TAOK1: variants seen among roughly 807,000 people sequenced by gnomAD.
The protein encoded by TAOK1 is TAO kinase 1.
Under a neutral mutation model 138.3 loss-of-function variants are expected in TAOK1, and 21 were observed. That is an observed-to-expected ratio of 0.15 (90% CI 0.11 to 0.22). TAOK1 has a LOEUF of 0.22. Ranked by LOEUF, TAOK1 falls within the 10% of genes least tolerant of loss-of-function variation. The pLI, the probability that TAOK1 is intolerant of heterozygous loss-of-function variation, is 1.00. For synonymous variants in TAOK1, 361 were observed against 398.4 expected, an observed-to-expected ratio of 0.91 and a Z score of 1.12; for missense variants, 651 against 1,227.7, an observed-to-expected ratio of 0.53 and a Z score of 7.02.
rs760875537 is a variant in TAOK1 at position 29,517,458 on chromosome 17, A to C, written c.1710A>C (p.Leu570=). The C allele has an allele frequency of 6.2e-7, 1 of 1,613,436 alleles. No homozygotes were observed. Among genetic ancestry groups the C allele is most frequent in the Admixed American group, 1.7e-5 (1 of 59,838 alleles). ...GTTGTTTTTTATGTTGCCAGGAGCT[A>C]AATGAAAACCAGAGTACCCCCAAAA... is the stretch of plus-strand genomic sequence containing the variant. ...KLRKEQLKEE[L]NENQSTPKKE... is the part of the protein sequence containing the mutation. Residue 570 remains leucine, a synonymous_variant, in exon 16 of 20, where the codon CTA becomes CTC. Coordinates refer to ENST00000261716, the MANE Select transcript of TAOK1 (RefSeq NM_020791.4).
At chr17:29,394,464 A>C (rs1904530217) in intron 1 of TAOK1, among the ~76,000 whole-genome samples, 1 of 151,960 alleles carries the variant, frequency 6.6e-6, no homozygotes. Flanking sequence ...CGTGCCCGGC[A>C]AATTTGCCAG....
chr17:29,432,451 C>T (rs1302776749), intron 1 of TAOK1, among the ~76,000 whole-genome samples: 3 of 152,206 alleles, frequency 2.0e-5, no homozygotes, highest in Non-Finnish European at 2.9e-5. Flanking sequence ...CGCAGTGCTG[C>T]AGAGATTTTG....
At chr17:29,418,846 T>C (rs1325316397) in intron 1 of TAOK1, among the ~76,000 whole-genome samples, 1 of 152,132 alleles carries the variant, frequency 6.6e-6, no homozygotes, top group South Asian at 2.1e-4. Context: ...TACAGGGGGC[T>C]GACTATAGTA....
At chr17:29,537,952 A>G (rs2032250784) in intron 19 of TAOK1, among the ~76,000 whole-genome samples, 1 of 151,996 alleles carries the variant, frequency 6.6e-6, no homozygotes, top group Non-Finnish European at 1.5e-5. Context: ...TCTCTACTAA[A>G]AATACAAAAA....
chr17:29,436,522 C>T (rs984272488), intron 1 of TAOK1, among the ~76,000 whole-genome samples: 1 of 152,140 alleles, frequency 6.6e-6, no homozygotes, highest in African/African-American at 2.4e-5. Flanking sequence ...TTGAGAGCAC[C>T]TGTTAAAGTC....
chr17:29,541,644 C>T (rs2032318812), intron 19 of TAOK1, among the ~76,000 whole-genome samples: 1 of 150,614 alleles, frequency 6.6e-6, no homozygotes, highest in Non-Finnish European at 1.5e-5. Context: ...GATGTGGTAG[C>T]ACATGCCTGT....
chr17:29,437,493 G>A (rs1022486154), intron 1 of TAOK1, among the ~76,000 whole-genome samples: 1 of 151,882 alleles, frequency 6.6e-6, no homozygotes, highest in East Asian at 1.9e-4. Flanking sequence ...CCACCACGCC[G>A]GCCTATGTAT....
chr17:29,495,455 A>G (rs2031393172), intron 10 of TAOK1, 105 bp from the exon 11 acceptor site: 1 of 894,830 alleles, frequency 1.1e-6, no homozygotes, highest in East Asian at 2.6e-5. Flanking sequence ...ATAGCTATAG[A>G]TTACATGCAT....
chr17:29,395,252 C>G (rs1174535823), intron 1 of TAOK1, among the ~76,000 whole-genome samples: 1 of 151,864 alleles, frequency 6.6e-6, no homozygotes, highest in African/African-American at 2.4e-5. Flanking sequence ...AAAACAAAAG[C>G]CTGTGTGGTG....
rs1311776161 is a variant in TAOK1, at chr17:29,547,394, T to G, written c.*4372T>G. ...CTCCCTTTACCTGCCTCTTCTTGCT[T>G]GCTAATAGTAAGTTCTTTGTGCACC... On this transcript the variant is annotated 3_prime_UTR_variant, in exon 20 of 20. Transcript: ENST00000261716. The G allele has an allele frequency of 6.6e-6, 1 of 152,058 alleles. No individual in the cohort carries two copies. Among genetic ancestry groups the G allele is most frequent in the Admixed American group, 6.6e-5 (1 of 15,248 alleles). 9.4% of individuals were successfully genotyped at this position (152,058 alleles called of 1,614,324 possible).
intron 2 of TAOK1, among the ~76,000 whole-genome samples, chr17:29,463,704 A>G (rs1343880005): frequency 6.6e-6 from 1 of 152,226 alleles, no homozygotes; most frequent in Non-Finnish European, 1.5e-5. Context: ...TAGATGGGAC[A>G]TTAAAAGTGT....
intron 16 of TAOK1, among the ~76,000 whole-genome samples, chr17:29,521,183 G>C (rs1297572514): frequency 2.6e-5 from 4 of 152,180 alleles, no homozygotes; most frequent in African/African-American, 9.7e-5. Context: ...TAAACTTGGG[G>C]AAGGTTGAGA....
chr17:29,490,051 A>G (rs1467067286), intron 9 of TAOK1, among the ~76,000 whole-genome samples: 4 of 152,076 alleles, frequency 2.6e-5, no homozygotes, highest in Non-Finnish European at 5.9e-5. Flanking sequence ...ACCTAATCCT[A>G]ATTAAATAAT....
At chr17:29,527,041 G>T (rs765106527) in intron 17 of TAOK1, among the ~76,000 whole-genome samples, 1 of 151,964 alleles carries the variant, frequency 6.6e-6, no homozygotes, top group African/African-American at 2.4e-5. Flanking sequence ...CAAGAGAATC[G>T]CTTGAACCAC....
intron 1 of TAOK1, among the ~76,000 whole-genome samples, chr17:29,441,332 G>T (rs573351071): frequency 2.0e-5 from 3 of 152,246 alleles, no homozygotes; most frequent in Admixed American, 1.3e-4. Context: ...AATATAGCGA[G>T]ACCCTGCTCT....
At chr17:29,502,295 T>C (rs938832192) in intron 12 of TAOK1, among the ~76,000 whole-genome samples, 3 of 152,220 alleles carry the variant, frequency 2.0e-5, no homozygotes, top group African/African-American at 7.2e-5. Flanking sequence ...CCTGGCCTGA[T>C]GGCCCGTGCC....
chr17:29,469,382 A>C (rs1721835194), intron 3 of TAOK1, among the ~76,000 whole-genome samples: 1 of 152,204 alleles, frequency 6.6e-6, no homozygotes, highest in African/African-American at 2.4e-5. Context: ...CAGTGGAATT[A>C]AGTGCATTCA....
intron 8 of TAOK1, among the ~76,000 whole-genome samples, chr17:29,486,923 T>C (rs2031184551): frequency 6.6e-6 from 1 of 152,032 alleles, no homozygotes; most frequent in Admixed American, 6.6e-5. Context: ...AGATGGGATA[T>C]TGGTTACATA....
At chr17:29,400,708 A>G (rs1904812327) in intron 1 of TAOK1, among the ~76,000 whole-genome samples, 1 of 152,130 alleles carries the variant, frequency 6.6e-6, no homozygotes, top group South Asian at 2.1e-4. Context: ...AAGCTAGATA[A>G]TCATAGGAAA....
Sources: gnomAD v4.1 joint callset for allele counts (sites outside exome capture counted in the v4.1 genomes callset) on GRCh38, gnomAD v4.1.1 for gene constraint, MANE v1.5 for transcripts, NCBI Gene and HGNC (gene_info 2026-07-23, HGNC 2026-07-21) for gene names.